The following CNBD1 variants were observed in gnomAD, a reference collection of about 807,000 sequenced individuals.
The protein encoded by CNBD1 is cyclic nucleotide-binding domain-containing protein 1.
In CNBD1, 71 loss-of-function variants were observed where a neutral mutation model predicts 54.4. That is an observed-to-expected ratio of 1.30 (90% CI 1.08 to 1.59). The LOEUF (loss-of-function observed/expected upper bound fraction) is 1.59. Ranked by LOEUF, CNBD1 falls within the 40% of genes most tolerant of loss-of-function variation. The pLI, the probability that CNBD1 is intolerant of heterozygous loss-of-function variation, is 0.00. For synonymous variants in CNBD1, 182 were observed against 170.7 expected, an observed-to-expected ratio of 1.07 and a Z score of -0.51; for missense variants, 659 against 518.0, an observed-to-expected ratio of 1.27 and a Z score of -2.64.
At chr8:87,221,310 G>A (rs1179840952) in intron 5 of CNBD1, among the ~76,000 whole-genome samples, 1 of 151,968 alleles carries the variant, frequency 6.6e-6, no homozygotes, top group African/African-American at 2.4e-5. Context: ...TCCTAAGTGT[G>A]TCCTAACCTG....
intron 2 of CNBD1, among the ~76,000 whole-genome samples, chr8:87,407,548 A>G (rs4129317): frequency 0.57 from 86,090 of 151,838 alleles, 25,932 homozygotes; most frequent in African/African-American, 0.77. Context: ...TAATATATAT[A>G]TTCAGCTTTA....
At chr8:87,099,273 T>C (rs1433942313) in intron 4 of CNBD1, among the ~76,000 whole-genome samples, 1 of 152,098 alleles carries the variant, frequency 6.6e-6, no homozygotes, top group Non-Finnish European at 1.5e-5. Context: ...AGGAGAGTGA[T>C]AGCAAAAGAG....
chr8:87,010,156 T>C (rs1809184923), intron 4 of CNBD1, among the ~76,000 whole-genome samples: 1 of 152,184 alleles, frequency 6.6e-6, no homozygotes, highest in Non-Finnish European at 1.5e-5. Flanking sequence ...TGGTCTTTCA[T>C]TAGTTTTGGG....
intron 6 of CNBD1, among the ~76,000 whole-genome samples, chr8:87,273,829 A>T (rs1348619089): frequency 2.0e-5 from 3 of 151,804 alleles, no homozygotes; most frequent in Admixed American, 6.6e-5. Flanking sequence ...TGTGCAGGTT[A>T]GTTACATATG....
intron 4 of CNBD1, among the ~76,000 whole-genome samples, chr8:87,176,168 G>A (rs561347801): frequency 6.6e-6 from 1 of 152,318 alleles, no homozygotes; most frequent in South Asian, 2.1e-4. Context: ...ACAATATGAA[G>A]TTAAAACCAG....
chr8:86,869,460 C>A (rs1217522199), intron 1 of CNBD1, among the ~76,000 whole-genome samples: 1 of 152,218 alleles, frequency 6.6e-6, no homozygotes, highest in South Asian at 2.1e-4. Context: ...ACATGTCACA[C>A]ATCTTCAAAC....
Position 87,085,600 on chromosome 8 carries a change from A to T in CNBD1, c.432-120393A>T, listed in dbSNP as rs147412265. 5.0e-3 allele frequency among the ~76,000 whole-genome samples: 767 copies of T among 152,188 alleles called. 11 individuals carry two copies. Among genetic ancestry groups the T allele is most frequent in the South Asian group, 8.7e-3 (42 of 4,814 alleles). On this transcript the variant is annotated intron_variant, in intron 4 of 10. Coordinates refer to ENST00000518476, the MANE Select transcript of CNBD1 (RefSeq NM_173538.3). ...TCAAATTCCTCTAGTGTTGTCTTTT[A>T]CTTAGAGTGGCAGCTGAGTAGCAAG...
chr8:86,982,209 G>A (rs1441720509), intron 4 of CNBD1, among the ~76,000 whole-genome samples: 2 of 151,970 alleles, frequency 1.3e-5, no homozygotes, highest in Non-Finnish European at 2.9e-5. Context: ...TGTCTTTTGT[G>A]CCCATTAAAA....
intron 10 of CNBD1, among the ~76,000 whole-genome samples, chr8:87,368,518 G>C (rs898700997): frequency 1.3e-5 from 2 of 151,696 alleles, no homozygotes; most frequent in African/African-American, 4.8e-5. Context: ...CACACCTGTA[G>C]TCCCAGCTAC....
chr8:87,294,802 G>A lies in CNBD1; in HGVS notation c.1042+8131G>A, dbSNP rs148983923. The stretch of plus-strand genomic sequence containing the variant: ...TTTACCACTTTTTTCAGCTTTATCT[G>A]TAATATATATTTTTTTACTATGAAA... On this transcript the variant is annotated intron_variant, in intron 8 of 10. Coordinates refer to ENST00000518476, the MANE Select transcript of CNBD1 (RefSeq NM_173538.3). 4.4e-3 allele frequency among the ~76,000 whole-genome samples: 670 copies of A among 151,944 alleles called. 20 individuals carry two copies. The highest frequency in any genetic ancestry group is 0.036 in the Admixed American group (547 of 15,252).
At chr8:87,426,364 T>G (rs1310072732) in intron 2 of CNBD1, among the ~76,000 whole-genome samples, 1 of 152,290 alleles carries the variant, frequency 6.6e-6, no homozygotes, top group East Asian at 1.9e-4. Flanking sequence ...ATTTTCTAAA[T>G]TATTAAATGC....
rs1463748000 is a variant in CNBD1, at chr8:87,237,101, T to C, written c.760T>C (p.Tyr254His). Residue 254 changes from tyrosine to histidine, a missense_variant, in exon 6 of 11, where the codon TAT (tyrosine) becomes CAT (histidine). Coordinates refer to ENST00000518476, the MANE Select transcript of CNBD1 (RefSeq NM_173538.3). ...STLAEMYLPS[Y>H]DSMLSKWSTF... ...ACTTGCTGAGATGTACCTACCTTCA[T>C]ATGACTCAATGGTAAGAGATGAGTA... The C allele has an allele frequency of 1.9e-6, 3 of 1,602,800 alleles. No individual in the cohort carries two copies. The highest frequency in any genetic ancestry group is 1.3e-5 in the African/African-American group (1 of 74,582).
At chr8:87,319,323 G>A (rs1809469744) in intron 8 of CNBD1, among the ~76,000 whole-genome samples, 1 of 152,056 alleles carries the variant, frequency 6.6e-6, no homozygotes, top group Non-Finnish European at 1.5e-5. Context: ...CCCAATAAAA[G>A]GCAATGAGCC....
rs202100553 is a variant in CNBD1 at position 87,142,694 on chromosome 8, TCTTA to T, written c.432-63295_432-63292del. 2.4e-3 allele frequency among the ~76,000 whole-genome samples: 358 copies of T among 152,276 alleles called. 1 individual carries two copies. The highest frequency in any genetic ancestry group is 7.9e-3 in the African/African-American group (327 of 41,556). On this transcript the variant is annotated intron_variant, in intron 4 of 10. Transcript: ENST00000518476. ...ATACAGAATTAATCAGTTTGTGATA[TCTTA>T]CTTTTTGCTTCAAATCAATCATTAA...
chr8:87,168,652 T>G (rs1220616412), intron 4 of CNBD1, among the ~76,000 whole-genome samples: 2 of 152,064 alleles, frequency 1.3e-5, no homozygotes, highest in Admixed American at 6.6e-5. Flanking sequence ...TGTTTTGATT[T>G]TTAGCTCCCA....
chr8:87,243,502 G>A (rs1287322058), intron 6 of CNBD1, among the ~76,000 whole-genome samples: 1 of 152,116 alleles, frequency 6.6e-6, no homozygotes, highest in African/African-American at 2.4e-5. Context: ...CCTGCGGTCA[G>A]TGCTCCATAT....
intron 1 of CNBD1, among the ~76,000 whole-genome samples, chr8:86,884,510 T>C (rs1388015519): frequency 4.6e-5 from 7 of 152,322 alleles, no homozygotes; most frequent in Non-Finnish European, 1.0e-4. Context: ...AGATACACTA[T>C]GAACCATTAA....
At chr8:87,327,538 C>T (rs1456540269) in intron 8 of CNBD1, among the ~76,000 whole-genome samples, 1 of 152,184 alleles carries the variant, frequency 6.6e-6, no homozygotes, top group African/African-American at 2.4e-5. Flanking sequence ...CTGAAAAGCG[C>T]AATATTCGGG....
At chr8:87,318,934 G>C (rs773899746) in intron 8 of CNBD1, among the ~76,000 whole-genome samples, 2 of 151,930 alleles carry the variant, frequency 1.3e-5, no homozygotes, top group Non-Finnish European at 2.9e-5. Flanking sequence ...AGTTTTAGGA[G>C]AGCTAAGGCT....
Sources: allele counts gnomAD v4.1 joint callset (sites outside exome capture counted in the v4.1 genomes callset), GRCh38; gene constraint gnomAD v4.1.1; transcripts MANE v1.5; gene names NCBI Gene and HGNC (gene_info 2026-07-23, HGNC 2026-07-21).